Variants in FREM3 observed in about 807,000 individuals in gnomAD.
FREM3 encodes FRAS1-related extracellular matrix protein 3.
Under a neutral mutation model 129.1 loss-of-function variants are expected in FREM3, and 105 were observed. That is an observed-to-expected ratio of 0.81 (90% CI 0.69 to 0.96). FREM3 has a LOEUF of 0.96. Among genes scored for constraint, FREM3 ranks in the 40% least tolerant of loss-of-function variants. FREM3 has a pLI of 0.00. For synonymous variants in FREM3, 1,014 were observed against 1,044.9 expected (o/e 0.97, Z 0.57); for missense variants, 2,593 against 2,666.3 (o/e 0.97, Z 0.61).
intron 2 of FREM3, among the ~76,000 whole-genome samples, chr4:143,680,669 A>G (rs1740233456): frequency 6.6e-6 from 1 of 152,108 alleles, no homozygotes; most frequent in South Asian, 2.1e-4. Context: ...GAGCAAACAG[A>G]CTTCAAGCAT....
In FREM3 at chr4:143,660,564, C is replaced by T. The variant is rs528566348; in HGVS notation, c.5275+32549G>A. ...TTGGCTTAGGATTGACTTGGCGATG[C>T]GGGCTCTTTTTTGGTTCCATGTGAA... On this transcript the variant is annotated intron_variant, in intron 2 of 7. Transcript: ENST00000329798. 1.0e-3 allele frequency among the ~76,000 whole-genome samples: 152 copies of T among 152,176 alleles called. 1 individual carries two copies. The highest frequency in any genetic ancestry group is 2.9e-3 in the South Asian group (14 of 4,806).
intron 6 of FREM3, among the ~76,000 whole-genome samples, chr4:143,600,967 T>C (rs1578829627): frequency 1.3e-5 from 2 of 151,484 alleles, no homozygotes; most frequent in Admixed American, 6.6e-5. Context: ...TAAAGTCTTT[T>C]TTTTTTTTTT....
Position 143,585,960 on chromosome 4 carries a change from T to C in FREM3, c.6062A>G (p.His2021Arg). The part of the protein sequence containing the change: ...PVLHFGDAEY[H>R]VNESARYVEV... ...CACGTAGCGAGCACTTTCATTGACG[T>C]GATATTCAGCATCCCCAAAGTGCAG... The change falls in exon 7 of 8, where the codon CAC (histidine) becomes CGC (arginine). Residue 2021 changes from histidine to arginine, a missense_variant. This residue lies in a region of FREM3 where 317 missense variants were observed against 399.0 expected (regional missense o/e 0.79). Coordinates refer to ENST00000329798, the MANE Select transcript of FREM3 (RefSeq NM_001168235.2). The surrounding 1 kb of genome is among the most constrained non-coding windows in gnomAD (Gnocchi z 4.2). 2.0e-6 allele frequency: 3 copies of C among 1,537,648 alleles called. No individual in the cohort carries two copies. Among genetic ancestry groups the C allele is most frequent in the Admixed American group, 2.0e-5 (1 of 51,002 alleles).
rs1740618457 is a variant in FREM3, at chr4:143,698,224, A to G, written c.2452T>C (p.Phe818Leu). ...TCCACAGGTTGCAGGAATAATGTGA[A>G]TGTGCCTGGCACGCTATTGCCTGCA... ...DAAGNSVPGTFTLFLQPVDNQ... is the reference protein window; with the variant it reads ...DAAGNSVPGTLTLFLQPVDNQ... The change falls in exon 1 of 8, where the codon TTC becomes CTC. Residue 818 changes from phenylalanine (F) to leucine (L), a missense_variant. By Grantham distance (22) the Phe-to-Leu change is conservative (BLOSUM62 0). Transcript: ENST00000329798. 1 of 1,537,302 alleles carries G rather than the reference A, an allele frequency of 6.5e-7. No individual in the cohort carries two copies. Among genetic ancestry groups the G allele is most frequent in the African/African-American group, 1.4e-5 (1 of 73,052 alleles).
At position 143,652,239 on chromosome 4, in the gene FREM3, T is replaced by G. The variant is rs993378873; in HGVS notation, c.5276-24479A>C. On this transcript the variant is annotated intron_variant, in intron 2 of 7. Transcript: ENST00000329798. ...CTGCAGTGGCGCAATCTCGGCTCAC[T>G]GCAAGCTCCGCTTCCCGGGTTCACG... Among the ~76,000 whole-genome samples, 81 of 39,156 alleles carry G rather than the reference T, an allele frequency of 2.1e-3. 20 individuals carry two copies. The highest frequency in any genetic ancestry group is 4.3e-3 in the African/African-American group (71 of 16,326). 25.7% of individuals were successfully genotyped at this position (39,156 alleles called of 152,430 possible). A position where few individuals can be genotyped will look rare whatever the true frequency, so the allele number is the denominator to read the frequency against.
chr4:143,590,847 G>A (rs187923941), intron 6 of FREM3, among the ~76,000 whole-genome samples: 1,576 of 152,194 alleles, frequency 0.01, 70 homozygotes, highest in Admixed American at 0.082. Flanking sequence ...GGTAGAATTC[G>A]GCTGTGAATC....
In FREM3 at chr4:143,587,375, A is replaced by G. The variant is rs115548157; in HGVS notation, c.6029-1382T>C. Among the ~76,000 whole-genome samples, 201 of 152,290 alleles carry G rather than the reference A, an allele frequency of 1.3e-3. 2 individuals carry two copies. The highest frequency in any genetic ancestry group is 4.5e-3 in the African/African-American group (187 of 41,564). ...ACTGTAGTGATGGAATACACTTGCA[A>G]TTTGCTCACCTCAGGCATACAGCAG... On this transcript the variant is annotated intron_variant, in intron 6 of 7. Coordinates refer to ENST00000329798, the MANE Select transcript of FREM3 (RefSeq NM_001168235.2).
chr4:143,696,787 TG>T lies in FREM3; in HGVS notation c.3888del (p.Ile1297LeufsTer2), dbSNP rs1463983324. 6.5e-7 allele frequency: 1 copy of T among 1,537,704 alleles called. No individual in the cohort carries two copies. Among genetic ancestry groups the T allele is most frequent in the African/African-American group, 1.4e-5 (1 of 73,024 alleles). On this transcript the variant is annotated frameshift_variant, in exon 1 of 8. Transcript: ENST00000329798. LOFTEE classifies it high-confidence loss of function. ...DGKHTTHRKV[P>X]IVVTLVDDET... ...TCATCATCCACTAGGGTCACTACAATGGGTACCTTCCTGTGGGTTGTGTGCT... is the reference window on the plus strand; with the variant it reads ...TCATCATCCACTAGGGTCACTACAATGGTACCTTCCTGTGGGTTGTGTGCT...
At chr4:143,676,585 A>G (rs1204674276) in intron 2 of FREM3, among the ~76,000 whole-genome samples, 3 of 152,178 alleles carry the variant, frequency 2.0e-5, no homozygotes, top group Non-Finnish European at 4.4e-5. Flanking sequence ...TCAATTAGGA[A>G]GAGAGGAAGT....
intron 1 of FREM3, among the ~76,000 whole-genome samples, chr4:143,694,867 A>C (rs575402998): frequency 1.3e-5 from 2 of 152,358 alleles, no homozygotes; most frequent in African/African-American, 4.8e-5. Flanking sequence ...GCTATCTAAA[A>C]AAGTTATGAC....
chr4:143,696,127 C>T lies in FREM3; in HGVS notation c.4549G>A (p.Gly1517Ser), dbSNP rs770282209. The T allele has an allele frequency of 6.0e-5, 92 of 1,537,332 alleles. No homozygotes were observed. The highest frequency in any genetic ancestry group is 1.7e-4 in the East Asian group (7 of 40,924). ...KMDSFEFQVIGELYPVFRTFR... is the reference protein window; with the variant it reads ...KMDSFEFQVISELYPVFRTFR... Reference sequence around the variant, plus strand: ...GTTCTGAACACAGGGTAGAGTTCGCCGATCACTTGAAATTCGAAGCTGTCC... The same window carrying T: ...GTTCTGAACACAGGGTAGAGTTCGCTGATCACTTGAAATTCGAAGCTGTCC... The change falls in exon 1 of 8, where the codon GGC becomes AGC. Residue 1517 changes from glycine (G) to serine (S), a missense_variant. By Grantham distance (56) the Gly-to-Ser change is moderately conservative (BLOSUM62 0). This residue lies in a region of FREM3 where 2,276 missense variants were observed against 2,267.2 expected (regional missense o/e 1.00). Coordinates refer to ENST00000329798, the MANE Select transcript of FREM3 (RefSeq NM_001168235.2).
intron 7 of FREM3, among the ~76,000 whole-genome samples, chr4:143,583,151 G>C (rs1209598161): frequency 6.6e-6 from 1 of 152,110 alleles, no homozygotes; most frequent in South Asian, 2.1e-4. Flanking sequence ...TTACAGATGA[G>C]AGCCACTGTG....
intron 2 of FREM3, among the ~76,000 whole-genome samples, chr4:143,639,516 G>GC (rs757581617): frequency 1.3e-5 from 2 of 152,030 alleles, no homozygotes; most frequent in African/African-American, 2.4e-5. Flanking sequence ...GATTCTTTCT[G>GC]CCCCCCTTAG....
chr4:143,633,041 C>A (rs1739167027), intron 2 of FREM3, among the ~76,000 whole-genome samples: 1 of 152,052 alleles, frequency 6.6e-6, no homozygotes, highest in African/African-American at 2.4e-5. Flanking sequence ...TAAAAGTGTA[C>A]AATGTGAGGA....
At chr4:143,629,884 G>A (rs1237031692) in intron 2 of FREM3, among the ~76,000 whole-genome samples, 1 of 152,078 alleles carries the variant, frequency 6.6e-6, no homozygotes, top group African/African-American at 2.4e-5. Flanking sequence ...CCATTCCTGT[G>A]GGTTAGAGAT....
At chr4:143,582,518 A>G (rs1003671342) in intron 7 of FREM3, among the ~76,000 whole-genome samples, 1 of 152,214 alleles carries the variant, frequency 6.6e-6, no homozygotes, top group African/African-American at 2.4e-5. Context: ...TCAATTGACT[A>G]TATTAAAATT....
intron 2 of FREM3, among the ~76,000 whole-genome samples, chr4:143,668,686 T>C (rs1739909802): frequency 6.6e-6 from 1 of 152,248 alleles, no homozygotes; most frequent in Admixed American, 6.5e-5. Context: ...TATGGTCTTC[T>C]AATGAGGCCA....
At chr4:143,622,718 T>C (rs1475710552) in intron 4 of FREM3, among the ~76,000 whole-genome samples, 1 of 152,144 alleles carries the variant, frequency 6.6e-6, no homozygotes, top group Non-Finnish European at 1.5e-5. Flanking sequence ...TATGAAAAAA[T>C]TGATACAATA....
intron 5 of FREM3, among the ~76,000 whole-genome samples, chr4:143,619,241 C>G (rs1223295486): frequency 1.3e-5 from 2 of 152,186 alleles, no homozygotes; most frequent in Admixed American, 1.3e-4. Context: ...ATTAGTTTTG[C>G]ACAGAAACCC....
Sources: allele counts gnomAD v4.1 joint callset (sites outside exome capture counted in the v4.1 genomes callset), GRCh38; gene constraint gnomAD v4.1.1; regional missense constraint gnomAD v4.1.1; non-coding constraint Gnocchi (gnomAD v3.1); transcripts MANE v1.5; gene names NCBI Gene and HGNC (gene_info 2026-07-23, HGNC 2026-07-21).